The following ZNF804B variants were observed in gnomAD, a reference collection of about 807,000 sequenced individuals.
The protein encoded by ZNF804B is zinc finger 804B.
A neutral mutation model predicts 101.4 loss-of-function variants in ZNF804B; 80 were observed. The ratio of observed to expected loss-of-function variants is 0.79; its 90% confidence interval spans 0.66 to 0.95. The LOEUF (loss-of-function observed/expected upper bound fraction) is 0.95, where lower values mean the gene tolerates loss of function less well. ZNF804B is among the 40% of genes least tolerant of loss of function. The pLI is 0.00. For missense variants in ZNF804B, 1,673 were observed against 1,561.9 expected, an observed-to-expected ratio of 1.07 and a Z score of -1.20; for synonymous variants, 622 against 558.8, an observed-to-expected ratio of 1.11 and a Z score of -1.59.
chr7:89,101,233 G>A (rs1047544231), intron 1 of ZNF804B, among the ~76,000 whole-genome samples: 2 of 151,432 alleles, frequency 1.3e-5, no homozygotes, highest in African/African-American at 4.9e-5. Context: ...CCTCCGGCAG[G>A]CATGTTTAGC....
In ZNF804B at chr7:89,078,545, A is replaced by G. The variant is rs554290686; in HGVS notation, c.109-139610A>G. Reference sequence around the variant, plus strand: ...AGGAAGGTTTTCCTTTCCCTTCAATATTACCTAAATATTTTGCAATCAGAT... The same window carrying G: ...AGGAAGGTTTTCCTTTCCCTTCAATGTTACCTAAATATTTTGCAATCAGAT... On this transcript the variant is annotated intron_variant, in intron 1 of 3. Transcript: ENST00000333190. Among the ~76,000 whole-genome samples, 3 of 151,942 alleles carry G rather than the reference A, an allele frequency of 2.0e-5. No homozygotes were observed. The South Asian group carries it at 6.2e-4, about 32-fold the overall frequency.
chr7:88,833,173 GC>G (rs1278656386), intron 1 of ZNF804B, among the ~76,000 whole-genome samples: 1 of 109,974 alleles, frequency 9.1e-6, no homozygotes, highest in Non-Finnish European at 1.7e-5. Flanking sequence ...TCTATCTTCC[GC>G]TTAAAAAAAA....
chr7:89,308,790 A>G (rs925469155), intron 2 of ZNF804B, among the ~76,000 whole-genome samples: 1 of 152,156 alleles, frequency 6.6e-6, no homozygotes, highest in African/African-American at 2.4e-5. Context: ...GCAAGGATTC[A>G]ACTCTGCCAA....
chr7:88,835,952 T>C lies in ZNF804B; in HGVS notation c.108+75868T>C, dbSNP rs139114951. Among the ~76,000 whole-genome samples, 909 of 152,034 alleles carry C rather than the reference T, an allele frequency of 6.0e-3. 5 individuals carry two copies. The highest frequency in any genetic ancestry group is 0.01 in the Middle Eastern group (3 of 294). ...TGGGAAAGAGTAAAGAGGATTAAATTTGAGTGAGCCAAACATTCTCTGTAA... is the reference window on the plus strand; with the variant it reads ...TGGGAAAGAGTAAAGAGGATTAAATCTGAGTGAGCCAAACATTCTCTGTAA... On this transcript the variant is annotated intron_variant, in intron 1 of 3. Transcript: ENST00000333190.
In ZNF804B at chr7:88,877,007, A is replaced by ATAT. The variant is rs1554342844; in HGVS notation, c.108+116923_108+116924insTAT. The stretch of plus-strand genomic sequence containing the variant: ...TATACAGAGAATATTTGAAAAAAAA[A>ATAT]ATATATATATATATATATAATATAT... On this transcript the variant is annotated intron_variant, in intron 1 of 3. Transcript: ENST00000333190. Among the ~76,000 whole-genome samples, 119 of 75,180 alleles carry ATAT rather than the reference A, an allele frequency of 1.6e-3. 9 individuals carry two copies. Among genetic ancestry groups the ATAT allele is most frequent in the African/African-American group, 0.01 (112 of 10,670 alleles). 49.3% of individuals were successfully genotyped at this position (75,180 alleles called of 152,430 possible).
chr7:88,794,551 A>C (rs1429212664), intron 1 of ZNF804B: 4 of 1,613,620 alleles, frequency 2.5e-6, no homozygotes, highest in Non-Finnish European at 2.5e-6. Flanking sequence ...AATGACTATA[A>C]TTTTCATTTG....
chr7:89,274,823 T>C (rs984835401), intron 2 of ZNF804B, among the ~76,000 whole-genome samples: 2 of 151,850 alleles, frequency 1.3e-5, no homozygotes, highest in African/African-American at 4.9e-5. Flanking sequence ...TTTCCTCCAT[T>C]GTTGCTAACC....
intron 1 of ZNF804B, among the ~76,000 whole-genome samples, chr7:88,779,779 C>T (rs181003341): frequency 6.6e-6 from 1 of 152,254 alleles, no homozygotes; most frequent in African/African-American, 2.4e-5. Flanking sequence ...TGAAAATTTT[C>T]ATATTCTTTT....
At chr7:89,310,627 T>C (rs1790638248) in intron 2 of ZNF804B, among the ~76,000 whole-genome samples, 2 of 152,200 alleles carry the variant, frequency 1.3e-5, no homozygotes, top group African/African-American at 4.8e-5. Context: ...CTGTCTGCAA[T>C]ATTCTCAGCA....
chr7:89,190,827 G>A (rs1437252428), intron 1 of ZNF804B, among the ~76,000 whole-genome samples: 2 of 152,058 alleles, frequency 1.3e-5, no homozygotes, highest in South Asian at 4.1e-4. Context: ...ATTTTTACTC[G>A]CTGAAGGCTC....
At chr7:88,844,663 G>A (rs576043635) in intron 1 of ZNF804B, among the ~76,000 whole-genome samples, 1 of 152,272 alleles carries the variant, frequency 6.6e-6, no homozygotes, top group Admixed American at 6.5e-5. Context: ...TGGGAATTCA[G>A]GTGGCTGCAG....
chr7:89,317,236 G>A lies in ZNF804B; in HGVS notation c.250-10108G>A, dbSNP rs563889631. ...GAACTTGTACAGAGAAGAAGACAAA[G>A]GTTTTCTCCTGCCTATACTCTTGAT... On this transcript the variant is annotated intron_variant, in intron 2 of 3. Transcript: ENST00000333190. 1.9e-4 allele frequency among the ~76,000 whole-genome samples: 29 copies of A among 152,284 alleles called. No homozygotes were observed. The South Asian group carries it at 5.8e-3, about 30-fold the overall frequency.
At chr7:88,776,705 G>A (rs186726846) in intron 1 of ZNF804B, among the ~76,000 whole-genome samples, 3 of 150,120 alleles carry the variant, frequency 2.0e-5, no homozygotes, top group Middle Eastern at 3.5e-3. Context: ...GTGCTGGGAA[G>A]CATCCAACCT....
At chr7:89,126,931 C>T (rs1020383871) in intron 1 of ZNF804B, among the ~76,000 whole-genome samples, 1 of 151,900 alleles carries the variant, frequency 6.6e-6, no homozygotes, top group African/African-American at 2.4e-5. Flanking sequence ...GCTCTGCCTA[C>T]CTCACAGGGA....
At chr7:89,141,934 C>T (rs1390027310) in intron 1 of ZNF804B, among the ~76,000 whole-genome samples, 1 of 151,278 alleles carries the variant, frequency 6.6e-6, no homozygotes, top group East Asian at 1.9e-4. Context: ...TCAACATAAA[C>T]TTCATCAAGT....
At chr7:89,253,212 CTTAAAA>C (rs2115792982) in intron 2 of ZNF804B, among the ~76,000 whole-genome samples, 1 of 152,050 alleles carries the variant, frequency 6.6e-6, no homozygotes, top group South Asian at 2.1e-4. Flanking sequence ...AAGTATCCAA[CTTAAAA>C]TTTAAGTATT....
At chr7:89,285,231 G>T (rs983376767) in intron 2 of ZNF804B, among the ~76,000 whole-genome samples, 4 of 151,068 alleles carry the variant, frequency 2.6e-5, no homozygotes, top group African/African-American at 9.8e-5. Context: ...AAAAATAAAA[G>T]AAGAAAATAG....
intron 1 of ZNF804B, among the ~76,000 whole-genome samples, chr7:89,142,947 A>G (rs1301381199): frequency 6.6e-6 from 1 of 151,990 alleles, no homozygotes; most frequent in African/African-American, 2.4e-5. Flanking sequence ...GAAGCACTGT[A>G]ATATACTCTC....
chr7:88,951,079 T>G (rs1365394706), intron 1 of ZNF804B, among the ~76,000 whole-genome samples: 1 of 151,866 alleles, frequency 6.6e-6, no homozygotes, highest in African/African-American at 2.4e-5. Context: ...ATTTTTCTAC[T>G]TTGCAGGAAT....
Sources: allele counts gnomAD v4.1 joint callset (sites outside exome capture counted in the v4.1 genomes callset), GRCh38; gene constraint gnomAD v4.1.1; transcripts MANE v1.5; gene names NCBI Gene and HGNC (gene_info 2026-07-23, HGNC 2026-07-21).